Variants in DLGAP2 observed in about 807,000 individuals in gnomAD.
DLGAP2 encodes DLG associated protein 2, also known as disks large-associated protein 2.
A neutral mutation model predicts 100.3 loss-of-function variants in DLGAP2; 26 were observed. That is an observed-to-expected ratio of 0.26 (90% CI 0.19 to 0.36). The LOEUF (loss-of-function observed/expected upper bound fraction) is 0.36. Among genes scored for constraint, DLGAP2 ranks in the 10% least tolerant of loss-of-function variants. The probability of loss-of-function intolerance (pLI) is 1.00; values close to 1 mark genes in which losing one functional copy is unlikely to be tolerated. For missense variants in DLGAP2, 1,858 were observed against 1,453.2 expected, an observed-to-expected ratio of 1.28 and a Z score of -4.53; for synonymous variants, 886 against 630.1, an observed-to-expected ratio of 1.41 and a Z score of -6.08.
intron 3 of DLGAP2, among the ~76,000 whole-genome samples, chr8:1,438,101 G>A (rs1390484732): frequency 6.6e-6 from 1 of 152,190 alleles, no homozygotes; most frequent in Non-Finnish European, 1.5e-5. Context: ...ACACCTGCTG[G>A]TCCCCAGAAG....
At chr8:1,686,010 T>A (rs1331886233) in intron 12 of DLGAP2, among the ~76,000 whole-genome samples, 1 of 152,158 alleles carries the variant, frequency 6.6e-6, no homozygotes, top group African/African-American at 2.4e-5. Context: ...GAAAGCAGTA[T>A]AGAGATTTCT....
chr8:1,637,043 G>A (rs6996437), intron 8 of DLGAP2, among the ~76,000 whole-genome samples: 9,424 of 152,290 alleles, frequency 0.062, 348 homozygotes, highest in African/African-American at 0.1. Context: ...CCCAGAGGAG[G>A]AATACCCGTC....
chr8:1,693,035 CTA>C (rs1799293360), intron 13 of DLGAP2, among the ~76,000 whole-genome samples: 1 of 146,988 alleles, frequency 6.8e-6, no homozygotes, highest in South Asian at 2.1e-4. Flanking sequence ...ATATATACAC[CTA>C]TATATAAACA....
intron 1 of DLGAP2, among the ~76,000 whole-genome samples, chr8:853,878 T>A (rs1258775050): frequency 6.6e-6 from 1 of 152,064 alleles, no homozygotes; most frequent in Non-Finnish European, 1.5e-5. Flanking sequence ...TAACCCCCAA[T>A]GTGATGGTGT....
Position 1,668,446 on chromosome 8 carries a change from A to T in DLGAP2, c.1928A>T (p.Gln643Leu). The part of the protein sequence containing the change: ...SSTESTQDAY[Q>L]DSRAQRMSPW... Reference sequence around the variant, plus strand: ...ACCGAATCCACCCAGGACGCCTACCAGGACAGCCGCGCACAGAGGATGTCC... The same window carrying T: ...ACCGAATCCACCCAGGACGCCTACCTGGACAGCCGCGCACAGAGGATGTCC... The change falls in exon 9 of 15, where the codon CAG becomes CTG. Residue 643 changes from glutamine to leucine, a missense_variant. Physicochemically the swap from Gln to Leu is moderately radical, Grantham distance 113 (BLOSUM62 -2). Coordinates refer to ENST00000637795, the MANE Select transcript of DLGAP2 (RefSeq NM_001346810.2). The T allele has an allele frequency of 1.3e-6, 2 of 1,599,136 alleles. No homozygotes were observed. The highest frequency in any genetic ancestry group is 1.7e-6 in the Non-Finnish European group (2 of 1,173,586).
At chr8:1,029,526 C>T (rs114284162) in intron 2 of DLGAP2, among the ~76,000 whole-genome samples, 2,436 of 152,012 alleles carry the variant, frequency 0.016, 72 homozygotes, top group African/African-American at 0.055. Context: ...CCGAGAGGTT[C>T]GGGTAGGACG....
rs761583677 is a variant in DLGAP2, at chr8:935,732, G to A, written c.73+27766G>A. Among the ~76,000 whole-genome samples, 7 of 152,198 alleles carry A rather than the reference G, an allele frequency of 4.6e-5. 1 individual carries two copies. The highest frequency in any genetic ancestry group is 1.9e-4 in the East Asian group (1 of 5,160). Reference sequence around the variant, plus strand: ...CACCCCAGCAGCCCAGGAGCCGTGCGTCCTGCTCTAGTTTCAGAGCTTCCC... The same window carrying A: ...CACCCCAGCAGCCCAGGAGCCGTGCATCCTGCTCTAGTTTCAGAGCTTCCC... On this transcript the variant is annotated intron_variant, in intron 2 of 14. Transcript: ENST00000637795.
At chr8:1,265,425 A>G (rs989070050) in intron 3 of DLGAP2, among the ~76,000 whole-genome samples, 1 of 152,224 alleles carries the variant, frequency 6.6e-6, no homozygotes, top group African/African-American at 2.4e-5. Flanking sequence ...CATAAAAAAT[A>G]TAAAGGGAAA....
At chr8:1,337,273 G>A (rs1393951906) in intron 3 of DLGAP2, among the ~76,000 whole-genome samples, 1 of 151,572 alleles carries the variant, frequency 6.6e-6, no homozygotes, top group African/African-American at 2.4e-5. Flanking sequence ...TGATGAGGAT[G>A]ATGGTGGTGG....
At chr8:1,528,225 C>T (rs930947901) in intron 4 of DLGAP2, among the ~76,000 whole-genome samples, 2 of 152,176 alleles carry the variant, frequency 1.3e-5, no homozygotes, top group Admixed American at 1.3e-4. Context: ...TCTAGCTTTC[C>T]TCCTCAGGCC....
rs546326000 is a variant in DLGAP2 at position 914,568 on chromosome 8, G to A, written c.73+6602G>A. On this transcript the variant is annotated intron_variant, in intron 2 of 14. Coordinates refer to ENST00000637795, the MANE Select transcript of DLGAP2 (RefSeq NM_001346810.2). ...AATGTGACCCCCTGGGGAAAATGCA[G>A]CCTCTAAATGAAGCAGGGTCAGCCC... Among the ~76,000 whole-genome samples, 13 of 152,346 alleles carry A rather than the reference G, an allele frequency of 8.5e-5. No individual in the cohort carries two copies. The South Asian group carries it at 1.2e-3, about 15-fold the overall frequency.
chr8:1,614,440 G>A (rs1193666890), intron 6 of DLGAP2, among the ~76,000 whole-genome samples: 1 of 152,230 alleles, frequency 6.6e-6, no homozygotes, highest in Non-Finnish European at 1.5e-5. Flanking sequence ...TATGACCACA[G>A]ACACCCGGCG....
chr8:1,430,027 TAC>T lies in DLGAP2; in HGVS notation c.107-71327_107-71326del, dbSNP rs58468404. ...ATATACATATATATATATATATATA[TAC>T]ACACACACACATATGAACTTAGAAT... On this transcript the variant is annotated intron_variant, in intron 3 of 14. Coordinates refer to ENST00000637795, the MANE Select transcript of DLGAP2 (RefSeq NM_001346810.2). Among the ~76,000 whole-genome samples, 410 of 76,848 alleles carry T rather than the reference TAC, an allele frequency of 5.3e-3. 31 individuals are homozygous for T. The highest frequency in any genetic ancestry group is 0.014 in the African/African-American group (272 of 20,096). 50.4% of individuals were successfully genotyped at this position (76,848 alleles called of 152,430 possible).
At chr8:1,324,682 C>A (rs997579785) in intron 3 of DLGAP2, among the ~76,000 whole-genome samples, 3 of 152,196 alleles carry the variant, frequency 2.0e-5, no homozygotes, top group Non-Finnish European at 2.9e-5. Flanking sequence ...TGAGCCATGT[C>A]CTTTTCAGCC....
At chr8:819,172 T>C (rs1290052473) in intron 1 of DLGAP2, among the ~76,000 whole-genome samples, 3 of 152,248 alleles carry the variant, frequency 2.0e-5, no homozygotes, top group African/African-American at 7.2e-5. Flanking sequence ...TCTAGTTCGA[T>C]GTTAAGTATG....
intron 2 of DLGAP2, among the ~76,000 whole-genome samples, chr8:963,936 A>T (rs1409038383): frequency 1.3e-5 from 2 of 151,900 alleles, no homozygotes; most frequent in African/African-American, 4.8e-5. Context: ...GAAAGAACTG[A>T]CTCTTTTTTT....
At chr8:1,391,697 C>T (rs577363212) in intron 3 of DLGAP2, among the ~76,000 whole-genome samples, 5 of 152,332 alleles carry the variant, frequency 3.3e-5, no homozygotes, top group African/African-American at 1.2e-4. Flanking sequence ...GATGTGTTTT[C>T]TGTTCTTGAT....
intron 2 of DLGAP2, among the ~76,000 whole-genome samples, chr8:966,523 T>G (rs927343057): frequency 1.3e-5 from 2 of 152,194 alleles, no homozygotes; most frequent in African/African-American, 2.4e-5. Context: ...TTTCATATCT[T>G]TTTTTTAAAA....
At chr8:1,213,617 T>C (rs1798153044) in intron 2 of DLGAP2, among the ~76,000 whole-genome samples, 1 of 152,120 alleles carries the variant, frequency 6.6e-6, no homozygotes. Flanking sequence ...GTAAGCAGCG[T>C]TCATGCATTC....
Sources: gnomAD v4.1 joint callset for allele counts (sites outside exome capture counted in the v4.1 genomes callset) on GRCh38, gnomAD v4.1.1 for gene constraint, MANE v1.5 for transcripts, NCBI Gene and HGNC (gene_info 2026-07-23, HGNC 2026-07-21) for gene names.